AOPEP: variants seen among roughly 807,000 people sequenced by gnomAD.
The protein encoded by AOPEP is aminopeptidase O.
AOPEP carries 77 observed loss-of-function variants against 98.1 expected under a neutral mutation model. The ratio of observed to expected loss-of-function variants is 0.78; its 90% CI spans 0.65 to 0.95. AOPEP has a LOEUF of 0.95. Ranked by LOEUF, AOPEP falls within the 40% of genes least tolerant of loss-of-function variation. The pLI, the probability that AOPEP is intolerant of heterozygous loss-of-function variation, is 0.00. For missense variants in AOPEP, 1,024 were observed against 1,024.7 expected, an observed-to-expected ratio of 1.00 and a Z score of 0.01; for synonymous variants, 346 against 365.3, an observed-to-expected ratio of 0.95 and a Z score of 0.60.
At chr9:94,834,932 G>A (rs1332812647) in intron 5 of AOPEP, among the ~76,000 whole-genome samples, 1 of 152,154 alleles carries the variant, frequency 6.6e-6, no homozygotes, top group Non-Finnish European at 1.5e-5. Flanking sequence ...AAACTCTGTT[G>A]TTAGATTGAA....
intron 5 of AOPEP, among the ~76,000 whole-genome samples, chr9:94,915,906 G>T (rs1391621567): frequency 1.3e-5 from 2 of 152,218 alleles, no homozygotes; most frequent in Non-Finnish European, 2.9e-5. Flanking sequence ...AACATGGGAA[G>T]ATTTGATTTG....
the AOPEP span, among the ~76,000 whole-genome samples, chr9:95,118,350 T>A: frequency 6.6e-6 from 1 of 152,216 alleles, no homozygotes; most frequent in Non-Finnish European, 1.5e-5. Flanking sequence ...AACAAAAGTG[T>A]AAAACTGTGC....
In AOPEP at chr9:94,909,700, C is replaced by T. The variant is rs556419658; in HGVS notation, c.1365-14286C>T. Reference sequence around the variant, plus strand: ...CAGGGTGGCATACGCTGATGTCTGCCCTAGATCCCCACAAGCCTCTAGCTT... The same window carrying T: ...CAGGGTGGCATACGCTGATGTCTGCTCTAGATCCCCACAAGCCTCTAGCTT... On this transcript the variant is annotated intron_variant, in intron 5 of 16. Coordinates refer to ENST00000375315, the MANE Select transcript of AOPEP (RefSeq NM_001193329.3). 1.5e-4 allele frequency among the ~76,000 whole-genome samples: 23 copies of T among 152,262 alleles called. No individual in the cohort carries two copies. The East Asian group carries it at 4.4e-3, about 29-fold the overall frequency.
rs113091756 is a variant in AOPEP, at chr9:95,018,517, C to T, written c.2115+12901C>T. Among the ~76,000 whole-genome samples, 18 of 152,314 alleles carry T rather than the reference C, an allele frequency of 1.2e-4. 2 individuals carry two copies. The highest frequency in any genetic ancestry group is 3.8e-4 in the African/African-American group (16 of 41,568). ...AGTCACTGAGCCTAGAATCTTCATG[C>T]GTCAGTTGGAGTTGTAGCAACCTGC... On this transcript the variant is annotated intron_variant, in intron 13 of 16. Coordinates refer to ENST00000375315, the MANE Select transcript of AOPEP (RefSeq NM_001193329.3).
the AOPEP span, chr9:95,099,189 T>G: frequency 4.6e-6 from 1 of 216,990 alleles, no homozygotes; most frequent in Admixed American, 5.8e-5. Context: ...TCTCCGCCTC[T>G]TCTGTATTTT....
chr9:95,000,525 T>C (rs1054701947), intron 11 of AOPEP, among the ~76,000 whole-genome samples: 1 of 152,132 alleles, frequency 6.6e-6, no homozygotes, highest in Non-Finnish European at 1.5e-5. Flanking sequence ...CTGGCCAACA[T>C]GGTGAAACCC....
At chr9:94,998,198 A>C (rs2061355155) in intron 11 of AOPEP, among the ~76,000 whole-genome samples, 1 of 151,584 alleles carries the variant, frequency 6.6e-6, no homozygotes, top group Non-Finnish European at 1.5e-5. Context: ...AAATATGTTA[A>C]AGTGAGACAG....
intron 16 of AOPEP, among the ~76,000 whole-genome samples, chr9:95,085,029 T>G (rs1022023063): frequency 6.6e-6 from 1 of 152,238 alleles, no homozygotes; most frequent in East Asian, 1.9e-4. Flanking sequence ...CACTGGCATT[T>G]TTATGGTCAT....
At chr9:94,754,747 G>A (rs932510049) in intron 1 of AOPEP, among the ~76,000 whole-genome samples, 2 of 152,204 alleles carry the variant, frequency 1.3e-5, no homozygotes, top group Non-Finnish European at 2.9e-5. Flanking sequence ...TTAGAGCATT[G>A]GAGGATGGAA....
intron 4 of AOPEP, among the ~76,000 whole-genome samples, chr9:94,793,849 C>G (rs1423453607): frequency 6.6e-6 from 1 of 152,194 alleles, no homozygotes; most frequent in African/African-American, 2.4e-5. Flanking sequence ...TCAATGCCTC[C>G]TCTCCTCCCA....
In AOPEP at chr9:94,848,504, C is replaced by T. The variant is rs1334718743; in HGVS notation, c.1364+47502C>T. 1.3e-4 allele frequency among the ~76,000 whole-genome samples: 20 copies of T among 149,930 alleles called. 1 individual carries two copies. In the South Asian group the frequency reaches 4.0e-3, roughly 30 times the overall value. ...CAGGCATGGTGGTGCATGCTGTAGT[C>T]CCAGCTACTTGGGAGGCTGAAGCAG... On this transcript the variant is annotated intron_variant, in intron 5 of 16. Transcript: ENST00000375315.
At chr9:94,884,964 G>C (rs1214652703) in intron 5 of AOPEP, among the ~76,000 whole-genome samples, 1 of 143,656 alleles carries the variant, frequency 7.0e-6, no homozygotes, top group African/African-American at 2.7e-5. Flanking sequence ...AGCCGAGATC[G>C]CACCACTGCA....
At chr9:94,804,973 A>G (rs1464272649) in intron 5 of AOPEP, among the ~76,000 whole-genome samples, 2 of 152,188 alleles carry the variant, frequency 1.3e-5, no homozygotes, top group Non-Finnish European at 1.5e-5. Context: ...ACAGGCCTCA[A>G]GGTGGGAACC....
chr9:95,133,887 A>G, the AOPEP span, among the ~76,000 whole-genome samples: 3 of 152,212 alleles, frequency 2.0e-5, no homozygotes, highest in Admixed American at 6.5e-5. Flanking sequence ...GAAAGTCATG[A>G]TTTATTTTGA....
the AOPEP span, chr9:95,113,982 G>A: frequency 6.3e-6 from 1 of 158,466 alleles, no homozygotes; most frequent in Non-Finnish European, 1.4e-5. Context: ...CAGCTACTCA[G>A]GAGTCTGAGT....
chr9:94,888,295 G>GTGTGTGTA (rs1564326629), intron 5 of AOPEP, among the ~76,000 whole-genome samples: 4 of 740 alleles, frequency 5.4e-3, no homozygotes. Flanking sequence ...GAACCTTACC[G>GTGTGTGTA]TGTGTGTGTG....
chr9:94,733,994 C>T (rs1348437110), intron 1 of AOPEP, among the ~76,000 whole-genome samples: 2 of 152,178 alleles, frequency 1.3e-5, no homozygotes, highest in East Asian at 1.9e-4. Context: ...GAGAAATGTG[C>T]GTTCTATATT....
chr9:95,006,853 G>T (rs947406787), intron 13 of AOPEP, among the ~76,000 whole-genome samples: 16 of 151,702 alleles, frequency 1.1e-4, no homozygotes, highest in African/African-American at 3.4e-4. Context: ...AGAAGGAAAA[G>T]AATTATGGCT....
the AOPEP span, chr9:95,098,990 T>C: frequency 5.7e-6 from 1 of 175,386 alleles, no homozygotes; most frequent in African/African-American, 2.4e-5. Flanking sequence ...AAGCTTCCAC[T>C]GTCTGGGGCC....
Sources: allele counts gnomAD v4.1 joint callset (sites outside exome capture counted in the v4.1 genomes callset), GRCh38; gene constraint gnomAD v4.1.1; transcripts MANE v1.5; gene names NCBI Gene and HGNC (gene_info 2026-07-23, HGNC 2026-07-21).